Variants in IGF2BP2 observed in about 807,000 individuals in gnomAD.
IGF2BP2 encodes insulin like growth factor 2 mRNA binding protein 2.
Under a neutral mutation model 75.8 loss-of-function variants are expected in IGF2BP2, and 17 were observed. That is an observed-to-expected ratio of 0.22 (90% CI 0.15 to 0.34). IGF2BP2 has a LOEUF of 0.34. Among genes scored for constraint, IGF2BP2 ranks in the 10% least tolerant of loss-of-function variants. IGF2BP2 has a pLI of 1.00. For missense variants in IGF2BP2, 516 were observed against 772.4 expected, an observed-to-expected ratio of 0.67 and a Z score of 3.93; for synonymous variants, 288 against 295.6, an observed-to-expected ratio of 0.97 and a Z score of 0.26.
intron 2 of IGF2BP2, among the ~76,000 whole-genome samples, chr3:185,762,236 T>C (rs1732465158): frequency 7.0e-6 from 1 of 143,314 alleles, no homozygotes; most frequent in African/African-American, 2.6e-5. Context: ...AAAAGAAAAA[T>C]ACAAAAATTA....
chr3:185,760,973 T>C (rs1419437278), intron 2 of IGF2BP2, among the ~76,000 whole-genome samples: 2 of 152,164 alleles, frequency 1.3e-5, no homozygotes, highest in East Asian at 1.9e-4. Context: ...TTATATTTTC[T>C]TATACTTCAA....
intron 2 of IGF2BP2, among the ~76,000 whole-genome samples, chr3:185,755,845 C>G (rs1437311127): frequency 6.6e-6 from 1 of 152,180 alleles, no homozygotes; most frequent in Non-Finnish European, 1.5e-5. Context: ...TTTACAGGTT[C>G]AGAGGCAGAA....
At chr3:185,657,246 G>T (rs1237212312) in intron 12 of IGF2BP2, 40 bp downstream of exon 12, 1 of 1,376,904 alleles carries the variant, frequency 7.3e-7, no homozygotes, top group African/African-American at 1.4e-5. Context: ...GATGAGAGGA[G>T]GTGGTAGAAG....
chr3:185,774,420 C>G (rs1234321393), intron 2 of IGF2BP2, among the ~76,000 whole-genome samples: 1 of 151,336 alleles, frequency 6.6e-6, no homozygotes, highest in Non-Finnish European at 1.5e-5. Flanking sequence ...ACATTGAAAC[C>G]CTGTCTCTAC....
intron 11 of IGF2BP2, 60 bp from the exon 12 acceptor site, chr3:185,657,462 T>A (rs1715636719): frequency 2.3e-6 from 3 of 1,308,864 alleles, no homozygotes; most frequent in Admixed American, 1.7e-5. Context: ...CTCCAGGCAC[T>A]CAACAGGTAC....
intron 2 of IGF2BP2, among the ~76,000 whole-genome samples, chr3:185,721,590 A>T (rs1726555765): frequency 6.6e-6 from 1 of 152,166 alleles, no homozygotes; most frequent in Non-Finnish European, 1.5e-5. Context: ...CAAGTGAATT[A>T]TGTATTTAAT....
chr3:185,722,229 C>T (rs1015522213), intron 2 of IGF2BP2: 2 of 455,890 alleles, frequency 4.4e-6, no homozygotes, highest in Admixed American at 2.4e-5. Flanking sequence ...CCACCATGCC[C>T]AGCCGCAAGT....
At chr3:185,789,727 ATT>A (rs10602691) in intron 2 of IGF2BP2, among the ~76,000 whole-genome samples, 2,817 of 111,454 alleles carry the variant, frequency 0.025, 42 homozygotes, top group African/African-American at 0.071. Flanking sequence ...ACAACCAGGA[ATT>A]TTTTTTTTTT....
At chr3:185,710,810 AAT>A (rs754487830) in intron 2 of IGF2BP2, among the ~76,000 whole-genome samples, 1 of 152,084 alleles carries the variant, frequency 6.6e-6, no homozygotes, top group Non-Finnish European at 1.5e-5. Flanking sequence ...AGGAAAAGGA[AAT>A]TTTTTACGCT....
chr3:185,816,190 G>C (rs954564669), intron 2 of IGF2BP2, among the ~76,000 whole-genome samples: 10 of 152,154 alleles, frequency 6.6e-5, no homozygotes, highest in African/African-American at 2.4e-4. Flanking sequence ...ACAGTTCGCT[G>C]TCTAATCTGT....
chr3:185,666,459 C>T (rs972784578), intron 10 of IGF2BP2, among the ~76,000 whole-genome samples: 2 of 152,090 alleles, frequency 1.3e-5, no homozygotes, highest in African/African-American at 2.4e-5. Context: ...CATGGTGAAA[C>T]CCCGTCTCTA....
rs565237396 is a variant in IGF2BP2 at position 185,647,997 on chromosome 3, T to C, written c.1594-859A>G. Among the ~76,000 whole-genome samples the C allele has an allele frequency of 6.6e-6, 1 of 152,360 alleles. No individual in the cohort carries two copies. Among genetic ancestry groups the C allele is most frequent in the Non-Finnish European group, 1.5e-5 (1 of 68,036 alleles). ...GCTGATCCATCTGCTTTCTTTTGCC[T>C]CCTACATTCCAGCTCCGCCTAAAGC... On this transcript the variant is annotated intron_variant, in intron 14 of 15. Coordinates refer to ENST00000382199, the MANE Select transcript of IGF2BP2 (RefSeq NM_006548.6). This position sits in a 1 kb window ranked among gnomAD's most constrained non-coding sequence, Gnocchi z 4.9.
At chr3:185,773,893 T>G (rs1355576176) in intron 2 of IGF2BP2, among the ~76,000 whole-genome samples, 1 of 152,316 alleles carries the variant, frequency 6.6e-6, no homozygotes, top group East Asian at 1.9e-4. Context: ...CTGAGCACAC[T>G]CATGCAAGTG....
At chr3:185,744,654 C>T (rs765340882) in intron 2 of IGF2BP2, among the ~76,000 whole-genome samples, 2 of 152,012 alleles carry the variant, frequency 1.3e-5, no homozygotes, top group African/African-American at 4.8e-5. Flanking sequence ...CTAAAAAATA[C>T]AAAAATTAGC....
intron 10 of IGF2BP2, among the ~76,000 whole-genome samples, chr3:185,668,402 C>A (rs1045060199): frequency 6.7e-6 from 1 of 149,716 alleles, no homozygotes; most frequent in African/African-American, 2.5e-5. Flanking sequence ...ACTTCTAGGG[C>A]GGGGGTATTG....
At position 185,660,212 on chromosome 3, in the gene IGF2BP2, T is replaced by G. The variant is rs952631003; in HGVS notation, c.1201-1803A>C. Among the ~76,000 whole-genome samples, 39 of 152,202 alleles carry G rather than the reference T, an allele frequency of 2.6e-4. 1 individual carries two copies. Among genetic ancestry groups the G allele is most frequent in the Admixed American group, 1.2e-3 (18 of 15,280 alleles). ...TTCCAGGAAAGGAAGTGAACAGCTC[T>G]GGGCACCATGGAACCAATTCCCACA... On this transcript the variant is annotated intron_variant, in intron 10 of 15. Transcript: ENST00000382199.
At chr3:185,734,645 A>G (rs1335941576) in intron 2 of IGF2BP2, among the ~76,000 whole-genome samples, 2 of 152,240 alleles carry the variant, frequency 1.3e-5, no homozygotes, top group African/African-American at 2.4e-5. Context: ...ACTTGTCTAC[A>G]GTATTTAAGG....
At chr3:185,771,199 G>A (rs953779387) in intron 2 of IGF2BP2, among the ~76,000 whole-genome samples, 15 of 152,172 alleles carry the variant, frequency 9.9e-5, no homozygotes, top group African/African-American at 3.6e-4. Context: ...CAGCACTTTG[G>A]GAGGGCGAGT....
intron 2 of IGF2BP2, among the ~76,000 whole-genome samples, chr3:185,801,257 A>G (rs9844368): frequency 0.06 from 9,077 of 152,184 alleles, 857 homozygotes; most frequent in African/African-American, 0.2. Context: ...TGGGAGGCCG[A>G]GGCAGGTGGA....
Sources: allele counts gnomAD v4.1 joint callset (sites outside exome capture counted in the v4.1 genomes callset), GRCh38; gene constraint gnomAD v4.1.1; non-coding constraint Gnocchi (gnomAD v3.1); transcripts MANE v1.5; gene names NCBI Gene and HGNC (gene_info 2026-07-23, HGNC 2026-07-21).